RPS6KC1: variants seen among roughly 807,000 people sequenced by gnomAD.
RPS6KC1 encodes the protein inactive ribosomal protein S6 kinase delta-1.
A neutral mutation model predicts 103.8 loss-of-function variants in RPS6KC1; 54 were observed. The observed-to-expected ratio is 0.52, with a 90% confidence interval of 0.42 to 0.65. The LOEUF is 0.65. Among genes scored for constraint, RPS6KC1 ranks in the 30% least tolerant of loss-of-function variants. The pLI is 0.00. For missense variants in RPS6KC1, 1,151 were observed against 1,253.8 expected (o/e 0.92, Z 1.24); for synonymous variants, 439 against 438.7 (o/e 1.00, Z -0.01).
the RPS6KC1 span, among the ~76,000 whole-genome samples, chr1:213,765,292 C>T: frequency 6.6e-6 from 1 of 152,158 alleles, no homozygotes; most frequent in African/African-American, 2.4e-5. Context: ...TTCCATAGCG[C>T]CCCTAAGAAG....
chr1:213,515,220 GC>G, the RPS6KC1 span, among the ~76,000 whole-genome samples: 1 of 152,142 alleles, frequency 6.6e-6, no homozygotes, highest in Admixed American at 6.5e-5. Context: ...CTCTGCAGAA[GC>G]TCTTTAGTTT....
At chr1:213,359,759 C>A in the RPS6KC1 span, among the ~76,000 whole-genome samples, 1 of 152,196 alleles carries the variant, frequency 6.6e-6, no homozygotes, top group Non-Finnish European at 1.5e-5. Flanking sequence ...CTGGTAGTGA[C>A]AAAATCTCTC....
Position 213,149,102 on chromosome 1 carries a change from T to C in RPS6KC1, c.836-18756T>C, listed in dbSNP as rs2088263150. Among the ~76,000 whole-genome samples the C allele has an allele frequency of 9.2e-5, 14 of 152,174 alleles. 1 individual carries two copies. The highest frequency in any genetic ancestry group is 9.2e-4 in the Admixed American group (14 of 15,282). On this transcript the variant is annotated intron_variant, in intron 6 of 14. Transcript: ENST00000366960. ...TGGCTAAAGGTTTGTCAATTTTGCT[T>C]ACGTTTTCAAAAATCCAACTTTTTG... is the stretch of plus-strand genomic sequence containing the variant.
At chr1:213,256,108 A>G (rs1038863839) in intron 12 of RPS6KC1, among the ~76,000 whole-genome samples, 4 of 152,214 alleles carry the variant, frequency 2.6e-5, no homozygotes, top group African/African-American at 9.6e-5. Context: ...CAGATTAAAG[A>G]TGACATTCAG....
chr1:213,629,008 T>C, the RPS6KC1 span, among the ~76,000 whole-genome samples: 1 of 152,186 alleles, frequency 6.6e-6, no homozygotes, highest in Non-Finnish European at 1.5e-5. Context: ...TCCAACTGTG[T>C]GGTCAGTTTT....
chr1:213,685,629 C>CAAAA, the RPS6KC1 span, among the ~76,000 whole-genome samples: 1 of 95,696 alleles, frequency 1.0e-5, no homozygotes. Context: ...GACTCCATTT[C>CAAAA]AAAAAAAAAA....
intron 14 of RPS6KC1, among the ~76,000 whole-genome samples, chr1:213,266,959 T>C (rs895430429): frequency 6.6e-6 from 1 of 151,466 alleles, no homozygotes; most frequent in Non-Finnish European, 1.5e-5. Flanking sequence ...ACAGCCGAAC[T>C]CTGGGCAAGA....
chr1:213,152,721 TGGC>T (rs2089343420), intron 6 of RPS6KC1, among the ~76,000 whole-genome samples: 2 of 149,228 alleles, frequency 1.3e-5, no homozygotes, highest in African/African-American at 2.5e-5. Flanking sequence ...CTAGGTGGGA[TGGC>T]GGCCGGGCGG....
At chr1:213,610,257 G>T in the RPS6KC1 span, among the ~76,000 whole-genome samples, 1 of 152,094 alleles carries the variant, frequency 6.6e-6, no homozygotes, top group Non-Finnish European at 1.5e-5. Flanking sequence ...TCTACTTATT[G>T]GAAGCCATTC....
chr1:213,293,007 A>T, the RPS6KC1 span, among the ~76,000 whole-genome samples: 1 of 152,236 alleles, frequency 6.6e-6, no homozygotes, highest in Admixed American at 6.5e-5. Flanking sequence ...AGAATTTCTA[A>T]TTCCACCACT....
At chr1:213,418,678 C>G in the RPS6KC1 span, among the ~76,000 whole-genome samples, 1 of 152,196 alleles carries the variant, frequency 6.6e-6, no homozygotes, top group Non-Finnish European at 1.5e-5. Context: ...TTTCACACGC[C>G]GATCTCCAGG....
chr1:213,106,159 C>T lies in RPS6KC1; in HGVS notation c.378+1590C>T, dbSNP rs138938468. The stretch of plus-strand genomic sequence containing the variant: ...AGTATCTTAGAACTATCTTTAACAG[C>T]GTGCTAGGCGGGAACAGGATACTGA... On this transcript the variant is annotated intron_variant, in intron 4 of 14. Coordinates refer to ENST00000366960, the MANE Select transcript of RPS6KC1 (RefSeq NM_012424.6). Among the ~76,000 whole-genome samples the T allele has an allele frequency of 3.2e-3, 486 of 151,966 alleles. 2 individuals carry two copies. The highest frequency in any genetic ancestry group is 1.0e-2 in the African/African-American group (413 of 41,428).
At chr1:213,625,999 C>T in the RPS6KC1 span, among the ~76,000 whole-genome samples, 2 of 152,284 alleles carry the variant, frequency 1.3e-5, no homozygotes, top group East Asian at 3.9e-4. Flanking sequence ...CCTAAGGAAT[C>T]GCCACACTGA....
At chr1:213,830,674 A>T in the RPS6KC1 span, among the ~76,000 whole-genome samples, 1 of 142,910 alleles carries the variant, frequency 7.0e-6, no homozygotes, top group African/African-American at 2.7e-5. Flanking sequence ...ACATTCTTTA[A>T]AAAAAAAAAA....
In RPS6KC1 at chr1:213,262,811, C is replaced by G. The variant is rs367780807; in HGVS notation, c.3085C>G (p.Gln1029Glu). 204 of 1,596,146 alleles carry G rather than the reference C, an allele frequency of 1.3e-4. No individual in the cohort carries two copies. The highest frequency in any genetic ancestry group is 1.7e-4 in the Non-Finnish European group (199 of 1,163,668). The change falls in exon 14 of 15, where the codon CAA becomes GAA. Residue 1029 changes from glutamine (Q) to glutamate (E), a missense_variant. Coordinates refer to ENST00000366960, the MANE Select transcript of RPS6KC1 (RefSeq NM_012424.6). ...CTCTGAAGAGGCTCGCTCACTCATT[C>G]AACAGGTAATTTAACTGACCTATTG... ...CVSEEARSLI[Q>E]QLLQFNPLER...
intron 4 of RPS6KC1, among the ~76,000 whole-genome samples, chr1:213,106,928 A>G (rs1336994412): frequency 6.6e-6 from 1 of 151,868 alleles, no homozygotes; most frequent in South Asian, 2.1e-4. Flanking sequence ...CCAACATCCA[A>G]TTGTATTTTA....
chr1:213,759,507 G>A, the RPS6KC1 span, among the ~76,000 whole-genome samples: 1 of 152,132 alleles, frequency 6.6e-6, no homozygotes, highest in Non-Finnish European at 1.5e-5. Flanking sequence ...ACCATGCATG[G>A]CCACGTGCCA....
chr1:213,577,678 C>A, the RPS6KC1 span, among the ~76,000 whole-genome samples: 14,589 of 152,178 alleles, frequency 0.096, 798 homozygotes, highest in Non-Finnish European at 0.12. Context: ...ATCTGTGGAA[C>A]TTTGAACTTG....
chr1:213,456,723 TC>T, the RPS6KC1 span, among the ~76,000 whole-genome samples: 1 of 152,214 alleles, frequency 6.6e-6, no homozygotes, highest in Admixed American at 6.5e-5. Flanking sequence ...CCATAAACAA[TC>T]ACTTAAATAG....
Sources: allele counts gnomAD v4.1 joint callset (sites outside exome capture counted in the v4.1 genomes callset), GRCh38; gene constraint gnomAD v4.1.1; transcripts MANE v1.5; gene names NCBI Gene and HGNC (gene_info 2026-07-23, HGNC 2026-07-21).